The following GASK1A variants were observed in gnomAD, a reference collection of about 807,000 sequenced individuals.
GASK1A encodes the protein Golgi-associated kinase 1A.
In GASK1A, 40 loss-of-function variants were observed where a neutral mutation model predicts 41.2. The observed-to-expected ratio is 0.97, with a 90% CI of 0.75 to 1.27. The LOEUF (loss-of-function observed/expected upper bound fraction) is 1.27. Among genes scored for constraint, GASK1A ranks in the 50% most tolerant of loss-of-function variants. The probability of loss-of-function intolerance (pLI) is 0.00; values close to 1 mark genes in which losing one functional copy is unlikely to be tolerated. For missense variants in GASK1A, 678 were observed against 745.1 expected (o/e 0.91, Z 1.05); for synonymous variants, 316 against 307.1 (o/e 1.03, Z -0.30).
chr3:43,036,139 G>A (rs1014788280), intron 2 of GASK1A, among the ~76,000 whole-genome samples: 2 of 152,222 alleles, frequency 1.3e-5, no homozygotes, highest in African/African-American at 4.8e-5. Context: ...TTCCTCAGCT[G>A]CCAACCCCTG....
chr3:42,982,417 C>T (rs781287337), intron 1 of GASK1A, among the ~76,000 whole-genome samples: 3 of 152,186 alleles, frequency 2.0e-5, no homozygotes, highest in Non-Finnish European at 4.4e-5. Context: ...TGGCATATTT[C>T]CTATTCTCTT....
intron 2 of GASK1A, among the ~76,000 whole-genome samples, chr3:43,035,984 G>A (rs928132721): frequency 1.3e-5 from 2 of 152,228 alleles, no homozygotes; most frequent in Admixed American, 1.3e-4. Context: ...GGCAGGAAAA[G>A]GGGATGCCTG....
intron 2 of GASK1A, among the ~76,000 whole-genome samples, chr3:43,036,669 G>A (rs1428240131): frequency 6.6e-6 from 1 of 152,104 alleles, no homozygotes; most frequent in East Asian, 1.9e-4. Flanking sequence ...AGGATCTGTG[G>A]GTCAATTGGA....
At chr3:43,016,748 C>T (rs982407287) in intron 1 of GASK1A, among the ~76,000 whole-genome samples, 1 of 151,722 alleles carries the variant, frequency 6.6e-6, no homozygotes, top group African/African-American at 2.4e-5. Flanking sequence ...CAGGAAGAGT[C>T]TGTGTGAAGC....
Position 43,032,896 on chromosome 3 carries a change from G to T in GASK1A, c.633G>T (p.Leu211Phe), listed in dbSNP as rs2089584953. 1.9e-6 allele frequency: 3 copies of T among 1,551,186 alleles called. No homozygotes were observed. The East Asian group carries it at 7.3e-5, about 38-fold the overall frequency. The stretch of plus-strand genomic sequence containing the variant: ...TGCTGGGAGCTGAGAACAGAGCCTT[G>T]ACTGGTGGGCAACAAGCAGAGGATC... ...RDLLGAENRA[L>F]TGGQQAEDPT... Residue 211 changes from leucine to phenylalanine, a missense_variant, in exon 2 of 5, where the codon TTG becomes TTT. Transcript: ENST00000430121.
chr3:43,027,152 G>T (rs2125684873), intron 1 of GASK1A, among the ~76,000 whole-genome samples: 1 of 152,336 alleles, frequency 6.6e-6, no homozygotes, highest in East Asian at 1.9e-4. Context: ...ATGTATGAAT[G>T]CTGTAGAAAA....
At chr3:43,006,735 A>G (rs751718117) in intron 1 of GASK1A, among the ~76,000 whole-genome samples, 5 of 152,112 alleles carry the variant, frequency 3.3e-5, no homozygotes, top group Non-Finnish European at 7.4e-5. Flanking sequence ...ATGTGCTGTT[A>G]TTTGGGAGTA....
At chr3:42,999,035 A>G (rs1263356969) in intron 1 of GASK1A, among the ~76,000 whole-genome samples, 1 of 151,870 alleles carries the variant, frequency 6.6e-6, no homozygotes, top group African/African-American at 2.4e-5. Context: ...CAGTGTGTAT[A>G]GCTGAAATTA....
Position 43,032,336 on chromosome 3 carries a change from C to T in GASK1A, c.73C>T (p.Leu25=). The change falls in exon 2 of 5, where the codon CTA becomes TTA. Residue 25 remains leucine (L), a synonymous_variant. Transcript: ENST00000430121. ...PVIAFCLLMI[L]SAMAVTRFPP... is the part of the protein sequence containing the mutation. ...GATAGCGTTCTGCCTCTTGATGATCCTATCTGCGATGGCTGTCACCCGCTT... is the reference window on the plus strand; with the variant it reads ...GATAGCGTTCTGCCTCTTGATGATCTTATCTGCGATGGCTGTCACCCGCTT... 1 of 1,551,128 alleles carries T rather than the reference C, an allele frequency of 6.4e-7. No individual in the cohort carries two copies. The highest frequency in any genetic ancestry group is 2.0e-5 in the Admixed American group (1 of 50,952).
chr3:43,053,548 T>C lies in GASK1A; in HGVS notation c.1318T>C (p.Cys440Arg). ...CCACGACCGCTTGGATCGCTACTGC[T>C]GTGGCTTCGAGCCTGAGCCCTCAGA... ...QVHDRLDRYC[C>R]GFEPEPSDPC... Residue 440 changes from cysteine (C) to arginine (R), a missense_variant, in exon 3 of 5, where the codon TGT (cysteine) becomes CGT (arginine). Cys to Arg is a radical substitution (Grantham distance 180). Transcript: ENST00000430121. The C allele has an allele frequency of 1.3e-6, 2 of 1,551,500 alleles. No homozygotes were observed. The highest frequency in any genetic ancestry group is 8.7e-7 in the Non-Finnish European group (1 of 1,146,848).
At chr3:43,035,525 G>A (rs374622721) in intron 2 of GASK1A, among the ~76,000 whole-genome samples, 40 of 152,148 alleles carry the variant, frequency 2.6e-4, no homozygotes, top group African/African-American at 8.7e-4. Flanking sequence ...AGCAGGATTG[G>A]AGCCCAGTTA....
At chr3:42,993,169 A>C (rs2089350723) in intron 1 of GASK1A, among the ~76,000 whole-genome samples, 2 of 152,170 alleles carry the variant, frequency 1.3e-5, no homozygotes, top group African/African-American at 4.8e-5. Context: ...TAACACATGG[A>C]ATTCAGGGGA....
chr3:43,047,291 A>G (rs2089669031), intron 2 of GASK1A, among the ~76,000 whole-genome samples: 2 of 152,236 alleles, frequency 1.3e-5, no homozygotes, highest in Non-Finnish European at 2.9e-5. Flanking sequence ...GTGGGAGCCC[A>G]TCTCTTGCAT....
chr3:42,996,685 G>A lies in GASK1A; in HGVS notation c.3+17040G>A, dbSNP rs143862887. On this transcript the variant is annotated intron_variant, in intron 1 of 4. Transcript: ENST00000430121. ...AGCTATGCTAGGCTGGTGATGGCAG[G>A]AAGCCATGGGGACCTGGCCATCTCC... Among the ~76,000 whole-genome samples the A allele has an allele frequency of 7.4e-3, 1,122 of 152,338 alleles. 18 individuals carry two copies. The highest frequency in any genetic ancestry group is 0.025 in the African/African-American group (1,053 of 41,576).
intron 2 of GASK1A, among the ~76,000 whole-genome samples, chr3:43,043,000 C>T (rs563058062): frequency 6.6e-6 from 1 of 152,308 alleles, no homozygotes; most frequent in South Asian, 2.1e-4. Context: ...CTGACCACCC[C>T]AAAGCCTCAC....
chr3:43,015,328 A>G (rs2089485148), intron 1 of GASK1A, among the ~76,000 whole-genome samples: 1 of 150,176 alleles, frequency 6.7e-6, no homozygotes, highest in Admixed American at 6.6e-5. Context: ...TTGTGAGGTC[A>G]CAGGAAGGGG....
At chr3:42,999,255 T>C (rs1023006883) in intron 1 of GASK1A, among the ~76,000 whole-genome samples, 1 of 152,200 alleles carries the variant, frequency 6.6e-6, no homozygotes, top group Non-Finnish European at 1.5e-5. Context: ...GCGTGCATTG[T>C]TGCATTTCCA....
intron 2 of GASK1A, among the ~76,000 whole-genome samples, chr3:43,036,522 A>G (rs1298818346): frequency 6.6e-6 from 1 of 152,162 alleles, no homozygotes; most frequent in Non-Finnish European, 1.5e-5. Context: ...CACATCTCTT[A>G]TACACCCCAT....
chr3:43,036,185 A>T (rs2089603162), intron 2 of GASK1A, among the ~76,000 whole-genome samples: 2 of 152,190 alleles, frequency 1.3e-5, no homozygotes, highest in Admixed American at 6.5e-5. Flanking sequence ...AAGCATACAC[A>T]GGTTGGTTAT....
Sources: allele counts gnomAD v4.1 joint callset (sites outside exome capture counted in the v4.1 genomes callset), GRCh38; gene constraint gnomAD v4.1.1; transcripts MANE v1.5; gene names NCBI Gene and HGNC (gene_info 2026-07-23, HGNC 2026-07-21).